EXOC6B: variants seen among roughly 807,000 people sequenced by gnomAD.
The protein encoded by EXOC6B is exocyst complex component 6B, also known as SEC15 homolog B.
EXOC6B carries 54 observed loss-of-function variants against 113.5 expected under a neutral mutation model. The observed-to-expected ratio is 0.48, with a 90% CI of 0.38 to 0.60. EXOC6B has a LOEUF of 0.60. Among genes scored for constraint, EXOC6B ranks in the 20% least tolerant of loss-of-function variants. EXOC6B has a pLI of 0.00. For synonymous variants in EXOC6B, 357 were observed against 339.0 expected (o/e 1.05, Z -0.58); for missense variants, 797 against 977.5 (o/e 0.82, Z 2.46).
At chr2:72,323,958 A>G (rs1687988776) in intron 20 of EXOC6B, among the ~76,000 whole-genome samples, 1 of 152,084 alleles carries the variant, frequency 6.6e-6, no homozygotes. Context: ...CATTCTGCAC[A>G]TGTACCCCAG....
At chr2:72,606,489 T>C (rs959648207) in intron 6 of EXOC6B, among the ~76,000 whole-genome samples, 1 of 152,122 alleles carries the variant, frequency 6.6e-6, no homozygotes, top group African/African-American at 2.4e-5. Context: ...ATACAAAATT[T>C]AGTCTAAGGC....
At position 72,825,654 on chromosome 2, in the gene EXOC6B, G is replaced by T; in HGVS notation, c.113+144C>A. On this transcript the variant is annotated intron_variant, in intron 1 of 21. Transcript: ENST00000272427. This position sits in a 1 kb window ranked among gnomAD's most constrained non-coding sequence, Gnocchi z 4.4. ...ACCCCGCGTCGGGGCTGCGAAGGGAGACCCGCCTCGCCCGGTATGCAGGGT... is the reference window on the plus strand; with the variant it reads ...ACCCCGCGTCGGGGCTGCGAAGGGATACCCGCCTCGCCCGGTATGCAGGGT... 1.9e-6 allele frequency: 2 copies of T among 1,051,072 alleles called. No homozygotes were observed. The highest frequency in any genetic ancestry group is 2.3e-5 in the South Asian group (1 of 43,056). The allele number at this position is 1,051,072 out of a possible 1,614,324, so 65.1% of individuals were successfully genotyped here.
At chr2:72,817,976 T>C (rs1012776509) in intron 1 of EXOC6B, among the ~76,000 whole-genome samples, 4 of 152,104 alleles carry the variant, frequency 2.6e-5, no homozygotes, top group African/African-American at 9.7e-5. Context: ...GTTGTTGTTG[T>C]TGTCATTGTT....
chr2:72,412,431 T>C (rs1001680126), intron 18 of EXOC6B, among the ~76,000 whole-genome samples: 9 of 152,152 alleles, frequency 5.9e-5, no homozygotes, highest in Non-Finnish European at 1.0e-4. Flanking sequence ...TTGCAAGTCA[T>C]AGATACACAT....
In EXOC6B at chr2:72,337,437, C is replaced by T. The variant is rs146368470; in HGVS notation, c.2123-2417G>A. Among the ~76,000 whole-genome samples the T allele has an allele frequency of 1.4e-4, 21 of 152,312 alleles. No individual in the cohort carries two copies. In the East Asian group the frequency reaches 3.7e-3, roughly 27 times the overall value. On this transcript the variant is annotated intron_variant, in intron 19 of 21. Transcript: ENST00000272427. ...TCTGCCATCCTATATATGTCCAACT[C>T]AACAGAATCACCCACCTGAATGCTT...
chr2:72,277,744 T>G (rs2420442), intron 20 of EXOC6B, among the ~76,000 whole-genome samples: 55,992 of 151,862 alleles, frequency 0.37, 13,087 homozygotes, highest in African/African-American at 0.66. Flanking sequence ...TCCTACTGCC[T>G]CAGCCTCCCA....
At chr2:72,705,672 T>C (rs945729961) in intron 6 of EXOC6B, among the ~76,000 whole-genome samples, 5 of 151,964 alleles carry the variant, frequency 3.3e-5, no homozygotes, top group Non-Finnish European at 7.4e-5. Context: ...ACAACTGTCC[T>C]AATCTGATGA....
rs116006211 is a variant in EXOC6B at position 72,717,027 on chromosome 2, A to G, written c.669+1076T>C. The stretch of plus-strand genomic sequence containing the variant: ...ATGCTAAGGTATATTGTCACTGATT[A>G]ATTTTATTTCTCCATCACTATAAGC... On this transcript the variant is annotated intron_variant, in intron 6 of 21. Transcript: ENST00000272427. Among the ~76,000 whole-genome samples the G allele has an allele frequency of 5.9e-3, 905 of 152,298 alleles. 10 individuals carry two copies. Among genetic ancestry groups the G allele is most frequent in the African/African-American group, 0.021 (860 of 41,564 alleles).
intron 1 of EXOC6B, among the ~76,000 whole-genome samples, chr2:72,796,298 A>G (rs1684945238): frequency 6.6e-6 from 1 of 151,680 alleles, no homozygotes; most frequent in Non-Finnish European, 1.5e-5. Context: ...TACTAAAAAT[A>G]CAAAATTAGC....
intron 1 of EXOC6B, among the ~76,000 whole-genome samples, chr2:72,781,421 T>C (rs1437243337): frequency 6.6e-6 from 1 of 152,218 alleles, no homozygotes; most frequent in Non-Finnish European, 1.5e-5. Flanking sequence ...TACAATGTCC[T>C]TACTCTGAGA....
At chr2:72,763,630 G>T (rs577621510) in intron 1 of EXOC6B, among the ~76,000 whole-genome samples, 2 of 151,954 alleles carry the variant, frequency 1.3e-5, no homozygotes, top group Admixed American at 1.3e-4. Flanking sequence ...CACCATGTTG[G>T]CCAGGCTGGT....
At chr2:72,248,004 T>C (rs1489417518) in intron 20 of EXOC6B, among the ~76,000 whole-genome samples, 1 of 152,184 alleles carries the variant, frequency 6.6e-6, no homozygotes, top group East Asian at 1.9e-4. Context: ...AAAGATTCTA[T>C]AATAATATAC....
At chr2:72,663,843 A>G (rs1467762016) in intron 6 of EXOC6B, among the ~76,000 whole-genome samples, 1 of 152,188 alleles carries the variant, frequency 6.6e-6, no homozygotes, top group East Asian at 1.9e-4. Flanking sequence ...AATGTAAGCT[A>G]TAGCTTTAGT....
intron 20 of EXOC6B, among the ~76,000 whole-genome samples, chr2:72,194,722 G>A (rs768527138): frequency 4.6e-5 from 7 of 152,044 alleles, no homozygotes; most frequent in Non-Finnish European, 1.0e-4. Flanking sequence ...AGGTGTCTAC[G>A]GATTCACAGA....
chr2:72,193,047 C>T (rs918489116), intron 20 of EXOC6B, among the ~76,000 whole-genome samples: 10 of 152,152 alleles, frequency 6.6e-5, no homozygotes, highest in African/African-American at 2.4e-4. Context: ...TTGTCCACTC[C>T]CTGCCTTTGA....
intron 20 of EXOC6B, among the ~76,000 whole-genome samples, chr2:72,279,794 T>C (rs1685020194): frequency 6.6e-6 from 1 of 151,978 alleles, no homozygotes; most frequent in African/African-American, 2.4e-5. Context: ...TATTTGGGTT[T>C]TTTTTGTTGT....
chr2:72,291,795 G>A (rs1020796239), intron 20 of EXOC6B, among the ~76,000 whole-genome samples: 1 of 152,094 alleles, frequency 6.6e-6, no homozygotes. Context: ...TCCTGCTTCT[G>A]GTTTAAATGA....
intron 6 of EXOC6B, among the ~76,000 whole-genome samples, chr2:72,618,834 C>CTACT (rs894328223): frequency 2.6e-5 from 4 of 152,124 alleles, no homozygotes; most frequent in African/African-American, 9.7e-5. Flanking sequence ...GAAACTAACC[C>CTACT]TACTCTCAGC....
At chr2:72,329,924 T>C (rs1421106666) in intron 20 of EXOC6B, among the ~76,000 whole-genome samples, 1 of 152,004 alleles carries the variant, frequency 6.6e-6, no homozygotes, top group African/African-American at 2.4e-5. Context: ...TTACTTTAGA[T>C]TGTAGGTTAG....
Sources: allele counts gnomAD v4.1 joint callset (sites outside exome capture counted in the v4.1 genomes callset), GRCh38; gene constraint gnomAD v4.1.1; non-coding constraint Gnocchi (gnomAD v3.1); transcripts MANE v1.5; gene names NCBI Gene and HGNC (gene_info 2026-07-23, HGNC 2026-07-21).